Variants in ARHGEF2 observed in about 807,000 individuals in gnomAD.
ARHGEF2 encodes the protein rho guanine nucleotide exchange factor 2.
ARHGEF2 carries 22 observed loss-of-function variants against 121.0 expected under a neutral mutation model. That is an observed-to-expected ratio of 0.18 (90% CI 0.13 to 0.26). The LOEUF (loss-of-function observed/expected upper bound fraction) is 0.26, where lower values mean the gene tolerates loss of function less well. Among genes scored for constraint, ARHGEF2 ranks in the 10% least tolerant of loss-of-function variants. ARHGEF2 has a pLI of 1.00. For synonymous variants in ARHGEF2, 487 were observed against 530.0 expected (o/e 0.92, Z 1.11); for missense variants, 907 against 1,336.0 (o/e 0.68, Z 5.01).
At position 155,975,210 on chromosome 1, in the gene ARHGEF2, C is replaced by T. The variant is rs78614085; in HGVS notation, c.63+3155G>A. 7.9e-3 allele frequency among the ~76,000 whole-genome samples: 1,203 copies of T among 152,282 alleles called. 19 individuals carry two copies. The highest frequency in any genetic ancestry group is 0.028 in the African/African-American group (1,172 of 41,536). On this transcript the variant is annotated intron_variant, in intron 1 of 21. Transcript: ENST00000361247. ...TGTTCAAAACAGTAGCCCAGAGCAT[C>T]TGGGTACAGAATAGGAGGGCAGGCA...
In ARHGEF2 at chr1:155,969,254, G is replaced by C. The variant is rs771581112; in HGVS notation, c.110C>G (p.Thr37Ser). 6.2e-7 allele frequency: 1 copy of C among 1,614,124 alleles called. No individual in the cohort carries two copies. The highest frequency in any genetic ancestry group is 2.2e-5 in the East Asian group (1 of 44,894). The part of the protein sequence containing the change: ...KMKEAKDARY[T>S]NGHLFTTISV... The stretch of plus-strand genomic sequence containing the variant: ...AATGGTGGTGAAGAGGTGCCCATTG[G>C]TATAGCGGGCATCCTTGGCTTCCTT... The change falls in exon 2 of 22, where the codon ACC becomes AGC. Residue 37 changes from threonine to serine, a missense_variant. Physicochemically the swap from Thr to Ser is moderately conservative, Grantham distance 58. This residue lies in a region of ARHGEF2 where 475 missense variants were observed against 776.5 expected (regional missense o/e 0.61). Coordinates refer to ENST00000361247, the MANE Select transcript of ARHGEF2 (RefSeq NM_001162383.2).
At position 155,951,240 on chromosome 1, in the gene ARHGEF2, T is replaced by A; in HGVS notation, c.2292A>T (p.Glu764Asp). 1 of 1,610,424 alleles carries A rather than the reference T, an allele frequency of 6.2e-7. No homozygotes were observed. Among genetic ancestry groups the A allele is most frequent in the Non-Finnish European group, 8.5e-7 (1 of 1,178,210 alleles). Reference protein sequence around the residue: ...AAVAQQDTLMEARFPEGPERR... With the variant: ...AAVAQQDTLMDARFPEGPERR... ...GCTCAGGGCCCTCAGGGAACCGGGC[T>A]TCCATCAGAGTGTCCTGCTGGGCCA... Residue 764 changes from glutamate to aspartate, a missense_variant, in exon 20 of 22, where the codon GAA (glutamate) becomes GAT (aspartate). By Grantham distance (45) the Glu-to-Asp change is conservative (BLOSUM62 2). Transcript: ENST00000361247. The surrounding 1 kb of genome is among the most constrained non-coding windows in gnomAD (Gnocchi z 5.1).
intron 14 of ARHGEF2, among the ~76,000 whole-genome samples, chr1:155,953,265 C>CA (rs71827896): frequency 0.84 from 111,974 of 133,808 alleles, 47,340 homozygotes; most frequent in East Asian, 0.93. Context: ...GACTCTGTCT[C>CA]AAAAAAAAAA....
intron 7 of ARHGEF2, 94 bp downstream of exon 7, chr1:155,964,892 CAA>C (rs11295795): frequency 0.053 from 57,306 of 1,083,856 alleles, no homozygotes; most frequent in East Asian, 0.15. Flanking sequence ...GACTCCATCT[CAA>C]AAAAAAAAAA....
intron 1 of ARHGEF2, chr1:155,969,897 TCTAA>T (rs1184636979): frequency 2.0e-6 from 2 of 985,472 alleles, no homozygotes; most frequent in East Asian, 1.1e-4. Flanking sequence ...ATCCCAGACC[TCTAA>T]CTCTTTTCAC....
Position 155,947,100 on chromosome 1 carries a change from A to T in ARHGEF2, c.*842T>A, listed in dbSNP as rs1674539860. On this transcript the variant is annotated 3_prime_UTR_variant, in exon 22 of 22. Transcript: ENST00000361247. ...AAATGGCTGGGGAAGAGGTCAGTATAGGTCCCCCCGTTACTGCAGATGAAG... is the reference window on the plus strand; with the variant it reads ...AAATGGCTGGGGAAGAGGTCAGTATTGGTCCCCCCGTTACTGCAGATGAAG... The T allele has an allele frequency of 2.9e-6, 1 of 341,332 alleles. No individual in the cohort carries two copies. Among genetic ancestry groups the T allele is most frequent in the Non-Finnish European group, 5.8e-6 (1 of 173,052 alleles). The allele number at this position is 341,332 out of a possible 1,614,324, so 21.1% of individuals were successfully genotyped here.
intron 11 of ARHGEF2, 60 bp from the exon 12 acceptor site, chr1:155,958,456 C>T: frequency 7.3e-7 from 1 of 1,367,938 alleles, no homozygotes; most frequent in Non-Finnish European, 1.0e-6. Context: ...AGCTGCTTCC[C>T]TCTTTCCCAA....
intron 14 of ARHGEF2, 81 bp from the exon 15 acceptor site, chr1:155,952,909 G>A: frequency 7.7e-7 from 1 of 1,298,948 alleles, no homozygotes; most frequent in South Asian, 1.2e-5. Flanking sequence ...CTAGGGGAGA[G>A]GGGTAGGGTG....
In ARHGEF2 at chr1:155,963,261, A is replaced by G. The variant is rs141604062; in HGVS notation, c.725-78T>C. 1,602 of 1,435,226 alleles carry G rather than the reference A, an allele frequency of 1.1e-3. 12 individuals are homozygous for G. In the African/African-American group the frequency reaches 0.02, roughly 18 times the overall value. 88.9% of individuals were successfully genotyped at this position (1,435,226 alleles called of 1,614,324 possible). A position where few individuals can be genotyped will look rare whatever the true frequency, so the allele number is the denominator to read the frequency against. Reference sequence around the variant, plus strand: ...TGGGGCCCTAGGATAAGGACCTCACAGTTCACGTGAGGTTTTCAAGGTCCA... The same window carrying G: ...TGGGGCCCTAGGATAAGGACCTCACGGTTCACGTGAGGTTTTCAAGGTCCA... On this transcript the variant is annotated intron_variant, in intron 7 of 21. Coordinates refer to ENST00000361247, the MANE Select transcript of ARHGEF2 (RefSeq NM_001162383.2).
At chr1:155,964,370 A>C (rs1014834081) in intron 7 of ARHGEF2, among the ~76,000 whole-genome samples, 4 of 151,206 alleles carry the variant, frequency 2.6e-5, no homozygotes, top group African/African-American at 9.7e-5. Flanking sequence ...ACACCTTATC[A>C]TCTCAAGCTG....
chr1:155,972,864 C>G (rs1479971931), intron 1 of ARHGEF2, among the ~76,000 whole-genome samples: 1 of 151,794 alleles, frequency 6.6e-6, no homozygotes, highest in African/African-American at 2.4e-5. Context: ...ATGATGCTCA[C>G]CTAATTTTTA....
intron 21 of ARHGEF2, 58 bp from the exon 22 acceptor site, chr1:155,948,073 C>T (rs1300120113): frequency 2.1e-6 from 3 of 1,413,648 alleles, no homozygotes; most frequent in Non-Finnish European, 2.9e-6. Context: ...AGGAACTGTA[C>T]CCCTAGACTA....
At chr1:155,977,819 G>GCC (rs1681567888) in intron 1 of ARHGEF2, among the ~76,000 whole-genome samples, 3 of 152,240 alleles carry the variant, frequency 2.0e-5, no homozygotes. Context: ...TGCGAGGAGA[G>GCC]GAGGAGCTGA....
intron 1 of ARHGEF2, chr1:155,971,207 T>A: frequency 1.4e-6 from 1 of 697,958 alleles, no homozygotes; most frequent in Non-Finnish European, 1.8e-6. Flanking sequence ...TTCTGGCACC[T>A]ACCTACCCGG....
At chr1:155,970,857 G>T in intron 1 of ARHGEF2, 1 of 986,376 alleles carries the variant, frequency 1.0e-6, no homozygotes. Flanking sequence ...CTCCAGGTTT[G>T]CCTGATGATG....
At chr1:155,958,969 T>C (rs1677293657) in intron 11 of ARHGEF2, among the ~76,000 whole-genome samples, 1 of 151,710 alleles carries the variant, frequency 6.6e-6, no homozygotes, top group African/African-American at 2.4e-5. Context: ...CAAAACAGCG[T>C]TGTGGGCTAG....
intron 1 of ARHGEF2, among the ~76,000 whole-genome samples, chr1:155,977,424 G>C (rs1227019546): frequency 6.6e-6 from 1 of 152,134 alleles, no homozygotes; most frequent in Non-Finnish European, 1.5e-5. Context: ...AGGTCATGAT[G>C]GGGGAGGCGT....
rs1322531395 is a variant in ARHGEF2 at position 155,964,188 on chromosome 1, A to G, written c.724+800T>C. On this transcript the variant is annotated intron_variant, in intron 7 of 21. Coordinates refer to ENST00000361247, the MANE Select transcript of ARHGEF2 (RefSeq NM_001162383.2). ...AAAAAATATATATATATATATATAT[A>G]TATATATATACATATATATATATAT... Among the ~76,000 whole-genome samples, 71 of 81,816 alleles carry G rather than the reference A, an allele frequency of 8.7e-4. 1 individual carries two copies. The highest frequency in any genetic ancestry group is 1.7e-3 in the Admixed American group (14 of 8,012). 53.7% of individuals were successfully genotyped at this position (81,816 alleles called of 152,430 possible). A position where few individuals can be genotyped will look rare whatever the true frequency, so the allele number is the denominator to read the frequency against.
chr1:155,976,806 GTGAAGAGCC>G (rs1410926959), intron 1 of ARHGEF2, among the ~76,000 whole-genome samples: 5 of 151,956 alleles, frequency 3.3e-5, no homozygotes, highest in Admixed American at 6.6e-5. Flanking sequence ...GGCGCAGGCT[GTGAAGAGCC>G]TGTCTGCCAC....
Sources: allele counts gnomAD v4.1 joint callset (sites outside exome capture counted in the v4.1 genomes callset), GRCh38; gene constraint gnomAD v4.1.1; regional missense constraint gnomAD v4.1.1; non-coding constraint Gnocchi (gnomAD v3.1); transcripts MANE v1.5; gene names NCBI Gene and HGNC (gene_info 2026-07-23, HGNC 2026-07-21).